The following BACH2 variants were observed in gnomAD, a reference collection of about 807,000 sequenced individuals.
The protein encoded by BACH2 is BACH transcriptional regulator 2.
A neutral mutation model predicts 61.8 loss-of-function variants in BACH2; 5 were observed. That is an observed-to-expected ratio of 0.08 (90% confidence interval 0.04 to 0.17). The LOEUF (loss-of-function observed/expected upper bound fraction) is 0.17, where lower values mean the gene tolerates loss of function less well. Ranked by LOEUF, BACH2 falls within the 10% of genes least tolerant of loss-of-function variation. BACH2 has a pLI of 1.00. For missense variants in BACH2, 824 were observed against 1,091.1 expected (o/e 0.76, Z 3.45); for synonymous variants, 446 against 440.1 (o/e 1.01, Z -0.17).
At chr6:90,189,931 TG>T (rs939919253) in intron 4 of BACH2, among the ~76,000 whole-genome samples, 11 of 151,838 alleles carry the variant, frequency 7.2e-5, no homozygotes, top group African/African-American at 2.7e-4. Context: ...GGGTAGGAAT[TG>T]GTCTATTAAC....
At chr6:90,073,192 A>C (rs988498379) in intron 5 of BACH2, among the ~76,000 whole-genome samples, 1 of 152,214 alleles carries the variant, frequency 6.6e-6, no homozygotes, top group African/African-American at 2.4e-5. Flanking sequence ...GGCTCCTTTA[A>C]AAAGCTTCAG....
chr6:90,029,071 G>GT (rs1778801432), intron 5 of BACH2, among the ~76,000 whole-genome samples: 1 of 152,184 alleles, frequency 6.6e-6, no homozygotes, highest in East Asian at 1.9e-4. Flanking sequence ...TTTTCTTCAC[G>GT]TAAGTATTTC....
At chr6:89,971,381 C>T (rs1261412139) in intron 6 of BACH2, among the ~76,000 whole-genome samples, 7 of 152,148 alleles carry the variant, frequency 4.6e-5, no homozygotes, top group South Asian at 4.2e-4. Flanking sequence ...ATCCCTTTAA[C>T]GAATGCATAC....
chr6:90,040,580 G>T (rs1000295418), intron 5 of BACH2, among the ~76,000 whole-genome samples: 10 of 151,516 alleles, frequency 6.6e-5, no homozygotes, highest in Admixed American at 5.3e-4. Flanking sequence ...TATTCTGTTG[G>T]TATTTTTACT....
intron 4 of BACH2, among the ~76,000 whole-genome samples, chr6:90,157,809 T>G (rs952879960): frequency 2.6e-5 from 4 of 152,156 alleles, no homozygotes; most frequent in African/African-American, 9.7e-5. Flanking sequence ...CGATGGTCAT[T>G]TGAAAGGTAT....
Position 89,931,959 on chromosome 6 carries a change from T to A in BACH2, c.*449A>T, listed in dbSNP as rs1177932743. On this transcript the variant is annotated 3_prime_UTR_variant, in exon 9 of 9. Coordinates refer to ENST00000257749, the MANE Select transcript of BACH2 (RefSeq NM_021813.4). ...GATATATATATATATATATATATAT[T>A]TTATATATATATTATATATAATATG... 1 of 146,442 alleles carries A rather than the reference T, an allele frequency of 6.8e-6. No homozygotes were observed. The highest frequency in any genetic ancestry group is 1.5e-5 in the Non-Finnish European group (1 of 66,808). The allele number at this position is 146,442 out of a possible 1,614,324, so 9.1% of individuals were successfully genotyped here.
At chr6:90,034,895 C>T (rs565109263) in intron 5 of BACH2, among the ~76,000 whole-genome samples, 13 of 152,170 alleles carry the variant, frequency 8.5e-5, no homozygotes, top group African/African-American at 2.9e-4. Context: ...TTAACTAGTC[C>T]TACTACACAC....
rs1381061392 is a variant in BACH2 at position 90,199,592 on chromosome 6, T to C, written c.-162+6977A>G. ...ACCTCTCAGAAGGGAGTTATAGTGC[T>C]ATTTTCTTCCGGAAACTTCACAGAA... On this transcript the variant is annotated intron_variant, in intron 4 of 8. Transcript: ENST00000257749. Among the ~76,000 whole-genome samples, 32 of 152,208 alleles carry C rather than the reference T, an allele frequency of 2.1e-4. 2 individuals are homozygous for C. The highest frequency in any genetic ancestry group is 2.1e-3 in the Admixed American group (32 of 15,274).
chr6:89,977,918 G>A (rs931329302), intron 6 of BACH2, among the ~76,000 whole-genome samples: 3 of 152,194 alleles, frequency 2.0e-5, no homozygotes, highest in Non-Finnish European at 2.9e-5. Context: ...CTGAGCGTAC[G>A]CTGGATCTAT....
chr6:90,237,904 G>A (rs1282005952), intron 3 of BACH2, among the ~76,000 whole-genome samples: 3 of 152,124 alleles, frequency 2.0e-5, no homozygotes, highest in Non-Finnish European at 4.4e-5. Flanking sequence ...ATCTAACAAG[G>A]TCTCAAAGGA....
At chr6:90,185,816 G>C (rs1019719282) in intron 4 of BACH2, among the ~76,000 whole-genome samples, 2 of 152,166 alleles carry the variant, frequency 1.3e-5, no homozygotes, top group Admixed American at 1.3e-4. Flanking sequence ...GAGAGCAAAG[G>C]CTGTGTCTAA....
At chr6:90,121,243 A>G (rs1021713804) in intron 4 of BACH2, among the ~76,000 whole-genome samples, 2 of 152,236 alleles carry the variant, frequency 1.3e-5, no homozygotes, top group Admixed American at 6.5e-5. Flanking sequence ...GGTTAAATAC[A>G]TGATTTAGGC....
chr6:90,152,562 C>T (rs904060746), intron 4 of BACH2, among the ~76,000 whole-genome samples: 8 of 152,160 alleles, frequency 5.3e-5, no homozygotes, highest in African/African-American at 1.9e-4. Flanking sequence ...ATTCACATTT[C>T]TGAGAAATAT....
Position 89,956,258 on chromosome 6 carries a change from A to C in BACH2, c.244-4396T>G, listed in dbSNP as rs76049027. On this transcript the variant is annotated intron_variant, in intron 6 of 8. Transcript: ENST00000257749. ...CTCATTCTGATACAGATGAGATGGG[A>C]TCACACATTGGGGCCAGAATACAGT... Among the ~76,000 whole-genome samples the C allele has an allele frequency of 4.6e-3, 693 of 152,280 alleles. 3 individuals carry two copies. The highest frequency in any genetic ancestry group is 0.016 in the African/African-American group (657 of 41,548).
At chr6:89,947,648 C>T (rs1458913135) in intron 7 of BACH2, among the ~76,000 whole-genome samples, 3 of 152,080 alleles carry the variant, frequency 2.0e-5, no homozygotes, top group South Asian at 4.2e-4. Context: ...TCACTGCAAG[C>T]TCCGCCTCCC....
chr6:90,139,866 GT>G (rs1180546248), intron 4 of BACH2, among the ~76,000 whole-genome samples: 4 of 152,174 alleles, frequency 2.6e-5, no homozygotes, highest in Non-Finnish European at 5.9e-5. Flanking sequence ...CAAGATCATT[GT>G]TTCAGACGGT....
intron 1 of BACH2, among the ~76,000 whole-genome samples, chr6:90,276,709 C>T (rs1386555845): frequency 6.6e-6 from 1 of 152,080 alleles, no homozygotes; most frequent in African/African-American, 2.4e-5. Context: ...CCATTTAACC[C>T]AACCCCATTT....
chr6:89,985,859 C>T (rs189053170), intron 6 of BACH2, among the ~76,000 whole-genome samples: 5 of 152,298 alleles, frequency 3.3e-5, no homozygotes, highest in Admixed American at 2.0e-4. Flanking sequence ...GGAAGGGAGC[C>T]AACAATCACT....
At chr6:90,054,781 G>T (rs1255275213) in intron 5 of BACH2, among the ~76,000 whole-genome samples, 1 of 152,176 alleles carries the variant, frequency 6.6e-6, no homozygotes, top group African/African-American at 2.4e-5. Flanking sequence ...AAAACTTCCA[G>T]AGGAACCATC....
Sources: allele counts gnomAD v4.1 joint callset (sites outside exome capture counted in the v4.1 genomes callset), GRCh38; gene constraint gnomAD v4.1.1; transcripts MANE v1.5; gene names NCBI Gene and HGNC (gene_info 2026-07-23, HGNC 2026-07-21).